Variants in TBC1D30 observed in about 807,000 individuals in gnomAD.
The protein encoded by TBC1D30 is TBC1 domain family, member 30.
Under a neutral mutation model 63.2 loss-of-function variants are expected in TBC1D30, and 31 were observed. The observed-to-expected ratio is 0.49, with a 90% CI of 0.37 to 0.66. The LOEUF is 0.66. Ranked by LOEUF, TBC1D30 falls within the 30% of genes least tolerant of loss-of-function variation. TBC1D30 has a pLI of 0.00. For synonymous variants in TBC1D30, 307 were observed against 361.5 expected, an observed-to-expected ratio of 0.85 and a Z score of 1.71; for missense variants, 810 against 953.6, an observed-to-expected ratio of 0.85 and a Z score of 1.98.
intron 11 of TBC1D30, among the ~76,000 whole-genome samples, chr12:64,873,896 G>T (rs1035712370): frequency 1.3e-5 from 2 of 152,094 alleles, no homozygotes; most frequent in East Asian, 3.9e-4. Flanking sequence ...AATTAGTTCA[G>T]CCAGATGACA....
intron 1 of TBC1D30, among the ~76,000 whole-genome samples, chr12:64,773,264 T>G (rs987607528): frequency 2.0e-5 from 3 of 151,814 alleles, no homozygotes; most frequent in African/African-American, 7.3e-5. Flanking sequence ...TCCTCCTCAC[T>G]GGGCAGGACC....
At chr12:64,820,628 T>C (rs1445269280), upstream of TBC1D30, among the ~76,000 whole-genome samples, 1 of 152,212 alleles carries the variant, frequency 6.6e-6, no homozygotes, top group Admixed American at 6.5e-5. Context: ...TAAAGCTTGA[T>C]TAGTAAAGAA....
At chr12:64,820,306 T>A (rs1380452422), upstream of TBC1D30, among the ~76,000 whole-genome samples, 1 of 152,174 alleles carries the variant, frequency 6.6e-6, no homozygotes, top group African/African-American at 2.4e-5. Context: ...AAAGGAAAAG[T>A]TCGCTCTCAA....
chr12:64,807,691 C>G (rs1043059920), intron 2 of TBC1D30, among the ~76,000 whole-genome samples: 12 of 152,184 alleles, frequency 7.9e-5, no homozygotes, highest in African/African-American at 2.4e-4. Flanking sequence ...CTAAAGCATC[C>G]TTTCCCAAAC....
At chr12:64,759,543 G>A in exon 1 of TBC1D30, 1 of 400,094 alleles carries the variant, frequency 2.5e-6, no homozygotes, top group Non-Finnish European at 4.3e-6. Flanking sequence ...CGGAAAAGGG[G>A]CGGAGAACCG....
chr12:64,802,253 G>A (rs991313439), intron 2 of TBC1D30, among the ~76,000 whole-genome samples: 6 of 152,136 alleles, frequency 3.9e-5, no homozygotes, highest in African/African-American at 1.4e-4. Flanking sequence ...TTTGGCCTGT[G>A]ATCTTTCCCA....
intron 8 of TBC1D30, among the ~76,000 whole-genome samples, chr12:64,845,857 G>T (rs1454638036): frequency 6.6e-6 from 1 of 151,986 alleles, no homozygotes; most frequent in Non-Finnish European, 1.5e-5. Flanking sequence ...ATGGGGTTTC[G>T]CCATATTGGC....
intron 8 of TBC1D30, among the ~76,000 whole-genome samples, chr12:64,862,976 C>T (rs1423481449): frequency 1.3e-5 from 2 of 152,082 alleles, no homozygotes; most frequent in Non-Finnish European, 2.9e-5. Flanking sequence ...CTCTTGCCTT[C>T]CCTCAAAAGG....
At chr12:64,774,047 A>G (rs1870992799) in intron 1 of TBC1D30, among the ~76,000 whole-genome samples, 1 of 152,236 alleles carries the variant, frequency 6.6e-6, no homozygotes, top group Non-Finnish European at 1.5e-5. Flanking sequence ...AAAAATCATG[A>G]TAAAACATCA....
At chr12:64,814,186 AC>A (rs944010239) in intron 2 of TBC1D30, among the ~76,000 whole-genome samples, 3 of 152,162 alleles carry the variant, frequency 2.0e-5, no homozygotes, top group African/African-American at 7.2e-5. Flanking sequence ...ACCTGGGATT[AC>A]AGGCGAGTGC....
intron 7 of TBC1D30, among the ~76,000 whole-genome samples, chr12:64,839,871 G>T (rs904030794): frequency 2.6e-5 from 4 of 151,940 alleles, no homozygotes; most frequent in African/African-American, 9.7e-5. Context: ...TGGGCGTAGT[G>T]GTGGGCACCT....
chr12:64,850,854 A>C (rs904946346), intron 8 of TBC1D30, among the ~76,000 whole-genome samples: 1 of 152,178 alleles, frequency 6.6e-6, no homozygotes, highest in Admixed American at 6.5e-5. Flanking sequence ...GAATGGTACC[A>C]GCTCCTCTTT....
chr12:64,799,718 T>A (rs1214297319), intron 2 of TBC1D30, among the ~76,000 whole-genome samples: 1 of 152,236 alleles, frequency 6.6e-6, no homozygotes, highest in African/African-American at 2.4e-5. Context: ...TTATATCTGA[T>A]GGTCAGCCTT....
rs1025964857 is a variant in TBC1D30, at chr12:64,879,066, T to C, written c.*3278T>C. The C allele has an allele frequency of 2.6e-5, 4 of 152,506 alleles. No homozygotes were observed. Among genetic ancestry groups the C allele is most frequent in the African/African-American group, 7.2e-5 (3 of 41,452 alleles). The allele number at this position is 152,506 out of a possible 1,614,324, so 9.4% of individuals were successfully genotyped here. A position where few individuals can be genotyped will look rare whatever the true frequency, so the allele number is the denominator to read the frequency against. On this transcript the variant is annotated 3_prime_UTR_variant, in exon 12 of 12. Transcript: ENST00000539867. ...TTTGCTGTCTGCAGCATTTAAAATA[T>C]ATTATTTTTCCTAATTAGAAAAGTC...
rs1873284155 is a variant in TBC1D30, at chr12:64,812,688, T to C, written c.644-15147T>C. ...ATTGCATGCATTATTTAAAAAGTTA[T>C]GATGTTGGAGAAATAGAACAATTGA... On this transcript the variant is annotated intron_variant, in intron 2 of 12. Transcript: ENST00000542120. Among the ~76,000 whole-genome samples the C allele has an allele frequency of 3.3e-5, 5 of 152,246 alleles. No homozygotes were observed. The South Asian group carries it at 1.0e-3, about 32-fold the overall frequency.
rs1872113414 is a variant in TBC1D30, at chr12:64,794,228, C to T, written c.643+8183C>T. Among the ~76,000 whole-genome samples, 7 of 152,224 alleles carry T rather than the reference C, an allele frequency of 4.6e-5. No homozygotes were observed. The South Asian group carries it at 1.5e-3, about 32-fold the overall frequency. On this transcript the variant is annotated intron_variant, in intron 2 of 12. Coordinates refer to the TBC1D30 transcript ENST00000542120. ...CTTGGTGTTCCTGAAATACAACAAT[C>T]ATGTTGCTTGGAGTGGGTCTGTTTT...
In TBC1D30 at chr12:64,832,170, G is replaced by A; in HGVS notation, c.460G>A (p.Asp154Asn). 1 of 1,536,154 alleles carries A rather than the reference G, an allele frequency of 6.5e-7. No homozygotes were observed. The highest frequency in any genetic ancestry group is 2.4e-5 in the East Asian group (1 of 40,916). ...SSYCGQEAEQ[D>N]RVVLKRVLLA... ...TTACTGTGGCCAGGAGGCTGAGCAG[G>A]ACAGGGTTGTGTTGAAGCGGGTGCT... Residue 154 changes from aspartate to asparagine, a missense_variant, in exon 5 of 12, where the codon GAC (aspartate) becomes AAC (asparagine). This residue lies in a region of TBC1D30 where 272 missense variants were observed against 335.9 expected (regional missense o/e 0.81). Coordinates refer to ENST00000539867, the MANE Select transcript of TBC1D30 (RefSeq NM_015279.2).
chr12:64,878,608 A>T lies in TBC1D30; in HGVS notation c.*2820A>T, dbSNP rs1258431882. 1.1e-5 allele frequency: 5 copies of T among 450,962 alleles called. No homozygotes were observed. In the Admixed American group the frequency reaches 1.2e-4, roughly 11 times the overall value. 27.9% of individuals were successfully genotyped at this position (450,962 alleles called of 1,614,324 possible). A position where few individuals can be genotyped will look rare whatever the true frequency, so the allele number is the denominator to read the frequency against. On this transcript the variant is annotated 3_prime_UTR_variant, in exon 12 of 12. Transcript: ENST00000539867. Reference sequence around the variant, plus strand: ...AGGATTGTATTGATCACAAAGCTATATGCATAAAGATTCTCATTGTTGTAA... The same window carrying T: ...AGGATTGTATTGATCACAAAGCTATTTGCATAAAGATTCTCATTGTTGTAA...
chr12:64,855,283 A>G (rs1173942830), intron 8 of TBC1D30, among the ~76,000 whole-genome samples: 1 of 151,404 alleles, frequency 6.6e-6, no homozygotes, highest in Non-Finnish European at 1.5e-5. Flanking sequence ...TGAGAGTTTG[A>G]TTGTAAAACG....
Sources: allele counts gnomAD v4.1 joint callset (sites outside exome capture counted in the v4.1 genomes callset), GRCh38; gene constraint gnomAD v4.1.1; regional missense constraint gnomAD v4.1.1; transcripts MANE v1.5; gene names NCBI Gene and HGNC (gene_info 2026-07-23, HGNC 2026-07-21).